Variants in RORA observed in about 807,000 individuals in gnomAD.
RORA encodes the protein RAR related orphan receptor A.
A neutral mutation model predicts 69.5 loss-of-function variants in RORA; 7 were observed. The observed-to-expected ratio is 0.10, with a 90% CI of 0.06 to 0.19. The LOEUF is 0.19. Among genes scored for constraint, RORA ranks in the 10% least tolerant of loss-of-function variants. The probability of loss-of-function intolerance (pLI) is 1.00; values close to 1 mark genes in which losing one functional copy is unlikely to be tolerated. For missense variants in RORA, 457 were observed against 663.0 expected, an observed-to-expected ratio of 0.69 and a Z score of 3.41; for synonymous variants, 261 against 240.8, an observed-to-expected ratio of 1.08 and a Z score of -0.78.
chr15:60,985,835 C>T (rs1049424988), intron 1 of RORA, among the ~76,000 whole-genome samples: 6 of 152,092 alleles, frequency 3.9e-5, no homozygotes, highest in Non-Finnish European at 7.4e-5. Flanking sequence ...CCGCTTTGGC[C>T]TCCCAAAATG....
chr15:60,884,357 C>T (rs961995532), intron 1 of RORA, among the ~76,000 whole-genome samples: 55 of 150,752 alleles, frequency 3.6e-4, no homozygotes, highest in African/African-American at 1.2e-3. Flanking sequence ...TCAAAAGTGC[C>T]TCTTTGGGAC....
At chr15:60,911,721 A>C (rs1380362346) in intron 1 of RORA, among the ~76,000 whole-genome samples, 3 of 70,208 alleles carry the variant, frequency 4.3e-5, no homozygotes, top group African/African-American at 1.5e-4. Context: ...TTTTTTTTTG[A>C]AACAGTCTCG....
chr15:61,191,466 C>T (rs1336777659), intron 1 of RORA, among the ~76,000 whole-genome samples: 1 of 152,106 alleles, frequency 6.6e-6, no homozygotes, highest in Non-Finnish European at 1.5e-5. Flanking sequence ...ACACAACCAG[C>T]CCCTTCCTCA....
At position 60,592,716 on chromosome 15, in the gene RORA, G is replaced by C. The variant is rs540145471; in HGVS notation, c.197-60865C>G. 4.5e-3 allele frequency: 4,746 copies of C among 1,051,272 alleles called. 19 individuals are homozygous for C. The highest frequency in any genetic ancestry group is 5.1e-3 in the Non-Finnish European group (4,414 of 868,820). The allele number at this position is 1,051,272 out of a possible 1,614,324, so 65.1% of individuals were successfully genotyped here. A position where few individuals can be genotyped will look rare whatever the true frequency, so the allele number is the denominator to read the frequency against. ...CCCCCGCGGGCAGGTGAGTAGCAGC[G>C]GCGGCTCTGCTGGCCCACCCCGGCC... On this transcript the variant is annotated intron_variant, in intron 2 of 10. Transcript: ENST00000335670.
intron 1 of RORA, among the ~76,000 whole-genome samples, chr15:60,775,783 A>G (rs530298376): frequency 1.3e-4 from 20 of 152,348 alleles, no homozygotes; most frequent in African/African-American, 4.8e-4. Flanking sequence ...GGAAAGATGA[A>G]TATGCTTATG....
chr15:61,155,380 C>T (rs1400731605), intron 1 of RORA, among the ~76,000 whole-genome samples: 1 of 152,020 alleles, frequency 6.6e-6, no homozygotes, highest in Non-Finnish European at 1.5e-5. Flanking sequence ...AGAAGAAATA[C>T]ATCTTCAGGC....
intron 1 of RORA, among the ~76,000 whole-genome samples, chr15:60,713,411 T>G (rs938528756): frequency 6.6e-6 from 1 of 152,204 alleles, no homozygotes; most frequent in African/African-American, 2.4e-5. Context: ...TACTTAAAAT[T>G]CTTGGTTCCT....
rs77520166 is a variant in RORA, at chr15:60,707,078, C to T, written c.167-28392G>A. On this transcript the variant is annotated intron_variant, in intron 1 of 10. Coordinates refer to ENST00000335670, the MANE Select transcript of RORA (RefSeq NM_134261.3). The stretch of plus-strand genomic sequence containing the variant: ...GCTCTGAGGGAAGATACCACTTTTT[C>T]CAATGTTGGAACTCAACAAGTCCAT... Among the ~76,000 whole-genome samples the T allele has an allele frequency of 2.7e-3, 407 of 152,220 alleles. 2 individuals carry two copies. Among genetic ancestry groups the T allele is most frequent in the African/African-American group, 9.4e-3 (389 of 41,522 alleles).
intron 1 of RORA, among the ~76,000 whole-genome samples, chr15:61,045,335 C>T (rs544136647): frequency 6.6e-6 from 1 of 152,262 alleles, no homozygotes; most frequent in African/African-American, 2.4e-5. Flanking sequence ...GTGAGTCCTC[C>T]CCAGCCATGT....
chr15:61,181,680 CAAAAAAAA>C (rs749054081), intron 1 of RORA, among the ~76,000 whole-genome samples: 1 of 57,762 alleles, frequency 1.7e-5, no homozygotes, highest in Non-Finnish European at 3.6e-5. Flanking sequence ...TTAGCTTTGG[CAAAAAAAA>C]AAAAAAAAAA....
intron 1 of RORA, among the ~76,000 whole-genome samples, chr15:61,169,240 C>T (rs1315561208): frequency 6.6e-6 from 1 of 151,812 alleles, no homozygotes; most frequent in East Asian, 1.9e-4. Flanking sequence ...CCATTCTGGG[C>T]CTTGCACTCT....
intron 1 of RORA, among the ~76,000 whole-genome samples, chr15:61,225,577 C>G (rs1328833378): frequency 2.0e-5 from 3 of 152,262 alleles, no homozygotes; most frequent in Non-Finnish European, 4.4e-5. Flanking sequence ...CACTGTTAAT[C>G]CCATCTTTTG....
At chr15:60,917,441 G>T (rs549956066) in intron 1 of RORA, among the ~76,000 whole-genome samples, 16 of 152,304 alleles carry the variant, frequency 1.1e-4, no homozygotes, top group African/African-American at 3.4e-4. Flanking sequence ...GTTTTCTGTC[G>T]TAAGGAAAGT....
intron 1 of RORA, among the ~76,000 whole-genome samples, chr15:60,704,604 TA>T (rs1445947254): frequency 6.6e-6 from 1 of 152,062 alleles, no homozygotes; most frequent in African/African-American, 2.4e-5. Context: ...AAATAAAATA[TA>T]AAAGGAAATA....
chr15:60,773,176 T>A (rs773207703), intron 1 of RORA, among the ~76,000 whole-genome samples: 1 of 152,232 alleles, frequency 6.6e-6, no homozygotes, highest in Non-Finnish European at 1.5e-5. Flanking sequence ...GACAAGTCTA[T>A]GAAAACTGGA....
chr15:60,853,258 G>C (rs1412254195), intron 1 of RORA, among the ~76,000 whole-genome samples: 1 of 152,208 alleles, frequency 6.6e-6, no homozygotes, highest in Non-Finnish European at 1.5e-5. Context: ...ATTATCTGCA[G>C]CCGCAAAGGT....
At chr15:61,173,374 A>C (rs1159793987) in intron 1 of RORA, among the ~76,000 whole-genome samples, 1 of 152,254 alleles carries the variant, frequency 6.6e-6, no homozygotes, top group East Asian at 1.9e-4. Flanking sequence ...TTCCATATTA[A>C]AGAGAAAACT....
intron 1 of RORA, among the ~76,000 whole-genome samples, chr15:61,132,479 G>C (rs1217284115): frequency 6.6e-6 from 1 of 152,072 alleles, no homozygotes; most frequent in African/African-American, 2.4e-5. Flanking sequence ...AAGGATAAAA[G>C]ACTTTTATCC....
chr15:61,185,083 C>T (rs779790163), intron 1 of RORA, among the ~76,000 whole-genome samples: 1 of 151,546 alleles, frequency 6.6e-6, no homozygotes. Flanking sequence ...AGGTGGCAGA[C>T]ACATGGAACA....
Sources: allele counts gnomAD v4.1 joint callset (sites outside exome capture counted in the v4.1 genomes callset), GRCh38; gene constraint gnomAD v4.1.1; transcripts MANE v1.5; gene names NCBI Gene and HGNC (gene_info 2026-07-23, HGNC 2026-07-21).